Variants in FRMD4A observed in about 807,000 individuals in gnomAD.
The protein encoded by FRMD4A is FERM domain containing 4A.
In FRMD4A, 29 loss-of-function variants were observed where a neutral mutation model predicts 129.1. That is an observed-to-expected ratio of 0.22 (90% CI 0.17 to 0.31). FRMD4A has a LOEUF of 0.31. FRMD4A is among the 10% of genes least tolerant of loss of function. The pLI is 1.00. For synonymous variants in FRMD4A, 634 were observed against 571.6 expected (o/e 1.11, Z -1.56); for missense variants, 1,272 against 1,375.8 (o/e 0.92, Z 1.19).
chr10:14,109,977 C>G lies in FRMD4A; in HGVS notation c.45+220081G>C, dbSNP rs542230722. Among the ~76,000 whole-genome samples the G allele has an allele frequency of 6.1e-5, 9 of 148,298 alleles. No homozygotes were observed. In the East Asian group the frequency reaches 1.2e-3, roughly 20 times the overall value. On this transcript the variant is annotated intron_variant, in intron 2 of 24. Coordinates refer to ENST00000357447, the MANE Select transcript of FRMD4A (RefSeq NM_018027.5). ...CACAGCAAGACTCCGTCTCCCTCCC[C>G]CAAACCCACCAAAAAAAAAAAAAAG...
Position 14,128,066 on chromosome 10 carries a change from T to C in FRMD4A, c.45+201992A>G, listed in dbSNP as rs866780116. 3.3e-3 allele frequency among the ~76,000 whole-genome samples: 289 copies of C among 87,838 alleles called. 4 individuals carry two copies. The highest frequency in any genetic ancestry group is 0.01 in the African/African-American group (210 of 20,384). 57.6% of individuals were successfully genotyped at this position (87,838 alleles called of 152,430 possible). ...TTTCCCTCTTTCTTTCTTTCTTTCT[T>C]TCTTTCTTTCTTTCTTTCTTTCTTT... is the stretch of plus-strand genomic sequence containing the variant. On this transcript the variant is annotated intron_variant, in intron 2 of 24. Coordinates refer to ENST00000357447, the MANE Select transcript of FRMD4A (RefSeq NM_018027.5).
chr10:14,201,681 T>C (rs768905191), intron 2 of FRMD4A, among the ~76,000 whole-genome samples: 1 of 152,178 alleles, frequency 6.6e-6, no homozygotes, highest in Non-Finnish European at 1.5e-5. Context: ...AACCCAACCT[T>C]CAAAATGCCT....
At chr10:14,290,984 G>A (rs1048555849) in intron 2 of FRMD4A, among the ~76,000 whole-genome samples, 11 of 152,064 alleles carry the variant, frequency 7.2e-5, no homozygotes, top group African/African-American at 2.7e-4. Flanking sequence ...GAATGTGGGA[G>A]TTATCCACAG....
intron 7 of FRMD4A, among the ~76,000 whole-genome samples, chr10:13,762,382 G>A (rs573321566): frequency 3.3e-5 from 5 of 152,194 alleles, no homozygotes; most frequent in African/African-American, 9.6e-5. Context: ...CCCAGGCTCA[G>A]GTTAAACACA....
rs374973654 is a variant in FRMD4A, at chr10:13,670,465, G to A, written c.1315C>T (p.Arg439Trp). The A allele has an allele frequency of 1.6e-5, 26 of 1,612,892 alleles. No homozygotes were observed. The highest frequency in any genetic ancestry group is 2.7e-5 in the African/African-American group (2 of 74,812). ...LDPGEEPPIV[R>W]RRIGTAFKLD... ...TTGAAGGCTGTTCCTATTCTTCTCCGAACAATGGGTGGTTCCTCCCCTGGA... is the reference window on the plus strand; with the variant it reads ...TTGAAGGCTGTTCCTATTCTTCTCCAAACAATGGGTGGTTCCTCCCCTGGA... The change falls in exon 17 of 25, where the codon CGG (arginine) becomes TGG (tryptophan). Residue 439 changes from arginine (R) to tryptophan (W), a missense_variant. Physicochemically the swap from Arg to Trp is moderately radical, Grantham distance 101 (BLOSUM62 -3). This residue lies in a region of FRMD4A where 972 missense variants were observed against 892.3 expected (regional missense o/e 1.09). Coordinates refer to ENST00000357447, the MANE Select transcript of FRMD4A (RefSeq NM_018027.5).
chr10:14,063,181 T>TA (rs200584378), intron 2 of FRMD4A, among the ~76,000 whole-genome samples: 24 of 151,110 alleles, frequency 1.6e-4, no homozygotes, highest in Non-Finnish European at 3.1e-4. Context: ...AAATCTGCTT[T>TA]TTTTTTTCTT....
chr10:13,913,279 G>A (rs1389121830), intron 2 of FRMD4A, among the ~76,000 whole-genome samples: 2 of 152,146 alleles, frequency 1.3e-5, no homozygotes, highest in Non-Finnish European at 2.9e-5. Context: ...TAGGGACAAA[G>A]GGATGGAGTT....
At chr10:13,859,520 T>C (rs953789108) in intron 2 of FRMD4A, among the ~76,000 whole-genome samples, 1 of 152,126 alleles carries the variant, frequency 6.6e-6, no homozygotes, top group Non-Finnish European at 1.5e-5. Flanking sequence ...TAAAATAAAT[T>C]AGCAAATATA....
rs545431390 is a variant in FRMD4A at position 14,064,829 on chromosome 10, T to C, written c.46-205917A>G. 3.9e-5 allele frequency among the ~76,000 whole-genome samples: 6 copies of C among 152,272 alleles called. No homozygotes were observed. In the East Asian group the frequency reaches 9.7e-4, roughly 25 times the overall value. On this transcript the variant is annotated intron_variant, in intron 2 of 24. Transcript: ENST00000357447. ...TTGATCTCAGGTGATCCACCTGCTTTGACCTCCCAAAGTGCTGGGAGTAAA... is the reference window on the plus strand; with the variant it reads ...TTGATCTCAGGTGATCCACCTGCTTCGACCTCCCAAAGTGCTGGGAGTAAA...
At chr10:13,830,882 C>T (rs1970580) in intron 3 of FRMD4A, among the ~76,000 whole-genome samples, 73,082 of 152,020 alleles carry the variant, frequency 0.48, 18,182 homozygotes, top group Middle Eastern at 0.66. Context: ...CTCTGCCTCC[C>T]GGGTTCAAGT....
chr10:13,930,922 T>C (rs1233059738), intron 2 of FRMD4A, among the ~76,000 whole-genome samples: 1 of 152,152 alleles, frequency 6.6e-6, no homozygotes, highest in Non-Finnish European at 1.5e-5. Flanking sequence ...AGCCCCAAAA[T>C]CCTGGACTCA....
rs1352304619 is a variant in FRMD4A at position 13,884,146 on chromosome 10, T to TCACACACA, written c.46-25235_46-25234insTGTGTGTG. 5.8e-3 allele frequency among the ~76,000 whole-genome samples: 578 copies of TCACACACA among 99,314 alleles called. 5 individuals carry two copies. The highest frequency in any genetic ancestry group is 9.2e-3 in the Non-Finnish European group (455 of 49,404). 65.2% of individuals were successfully genotyped at this position (99,314 alleles called of 152,430 possible). On this transcript the variant is annotated intron_variant, in intron 2 of 24. Transcript: ENST00000357447. ...CTCACACACACGCTCACACACACTC[T>TCACACACA]CACACACTCTCACACACACACTCAC...
intron 2 of FRMD4A, among the ~76,000 whole-genome samples, chr10:14,121,188 T>G (rs1489910297): frequency 6.6e-6 from 1 of 152,004 alleles, no homozygotes; most frequent in Non-Finnish European, 1.5e-5. Context: ...GCCAACCTGG[T>G]GAAACCCCGT....
intron 12 of FRMD4A, among the ~76,000 whole-genome samples, chr10:13,735,217 C>T (rs956425547): frequency 6.6e-6 from 1 of 152,190 alleles, no homozygotes; most frequent in African/African-American, 2.4e-5. Context: ...ATGGCTGTGA[C>T]AGATTGGTAG....
At chr10:14,072,867 C>T (rs903102642) in intron 2 of FRMD4A, among the ~76,000 whole-genome samples, 3 of 152,110 alleles carry the variant, frequency 2.0e-5, no homozygotes, top group African/African-American at 7.2e-5. Flanking sequence ...AATAGCTTTC[C>T]TTTCAGTCCC....
At chr10:13,977,476 T>C (rs1333454553) in intron 2 of FRMD4A, among the ~76,000 whole-genome samples, 1 of 152,240 alleles carries the variant, frequency 6.6e-6, no homozygotes, top group Non-Finnish European at 1.5e-5. Context: ...GTCAGTGCTC[T>C]TAAAAACGTA....
At chr10:14,067,827 C>G (rs1260607668) in intron 2 of FRMD4A, among the ~76,000 whole-genome samples, 2 of 152,042 alleles carry the variant, frequency 1.3e-5, no homozygotes, top group African/African-American at 4.8e-5. Context: ...AAAACAAAAA[C>G]AAAAAACAAA....
At chr10:13,668,940 G>A (rs766999713) in intron 17 of FRMD4A, among the ~76,000 whole-genome samples, 1 of 152,012 alleles carries the variant, frequency 6.6e-6, no homozygotes, top group Non-Finnish European at 1.5e-5. Context: ...CATCACAAGT[G>A]CCAAGTACTG....
At chr10:14,173,149 T>C (rs1022406885) in intron 2 of FRMD4A, among the ~76,000 whole-genome samples, 1 of 152,216 alleles carries the variant, frequency 6.6e-6, no homozygotes, top group African/African-American at 2.4e-5. Flanking sequence ...TGTTTAGAGA[T>C]CTATTTGCCC....
Sources: gnomAD v4.1 joint callset for allele counts (sites outside exome capture counted in the v4.1 genomes callset) on GRCh38, gnomAD v4.1.1 for gene constraint, gnomAD v4.1.1 regional missense constraint, MANE v1.5 for transcripts, NCBI Gene and HGNC (gene_info 2026-07-23, HGNC 2026-07-21) for gene names.